The following TPST1 variants were observed in gnomAD, a reference collection of about 807,000 sequenced individuals.
TPST1 encodes protein-tyrosine sulfotransferase 1.
A neutral mutation model predicts 34.8 loss-of-function variants in TPST1; 20 were observed. That is an observed-to-expected ratio of 0.57 (90% CI 0.40 to 0.84). TPST1 has a LOEUF of 0.84. Ranked by LOEUF, TPST1 falls within the 40% of genes least tolerant of loss-of-function variation. The probability of loss-of-function intolerance (pLI) is 0.00; values close to 1 mark genes in which losing one functional copy is unlikely to be tolerated. For synonymous variants in TPST1, 152 were observed against 159.4 expected (o/e 0.95, Z 0.35); for missense variants, 353 against 455.5 (o/e 0.78, Z 2.05).
At chr7:66,254,911 G>A (rs1323500987) in intron 2 of TPST1, among the ~76,000 whole-genome samples, 1 of 152,060 alleles carries the variant, frequency 6.6e-6, no homozygotes, top group Non-Finnish European at 1.5e-5. Flanking sequence ...ACTTTGGGAG[G>A]CCAAGGCGGG....
chr7:66,220,583 G>A (rs1193959547), intron 1 of TPST1, among the ~76,000 whole-genome samples: 1 of 149,332 alleles, frequency 6.7e-6, no homozygotes, highest in Non-Finnish European at 1.5e-5. Context: ...ATCAGGCAGA[G>A]AGACACGCAA....
chr7:66,220,661 T>A, intron 1 of TPST1, among the ~76,000 whole-genome samples: 1 of 43,776 alleles, frequency 2.3e-5, no homozygotes, highest in South Asian at 8.7e-4. Context: ...TGGCACTGGG[T>A]GAGTGTGTGG....
chr7:66,346,298 GA>G (rs1185160404), intron 3 of TPST1, among the ~76,000 whole-genome samples: 3 of 152,080 alleles, frequency 2.0e-5, no homozygotes, highest in African/African-American at 7.2e-5. Flanking sequence ...TGAGAATGCA[GA>G]TATCTCCTTG....
chr7:66,243,681 C>G (rs965589980), intron 2 of TPST1, among the ~76,000 whole-genome samples: 8 of 145,074 alleles, frequency 5.5e-5, no homozygotes, highest in Non-Finnish European at 6.0e-5. Flanking sequence ...CTCCTGAGTT[C>G]AGGCAATCCA....
chr7:66,265,800 CT>C (rs1790581379), intron 2 of TPST1, among the ~76,000 whole-genome samples: 1 of 152,162 alleles, frequency 6.6e-6, no homozygotes, highest in African/African-American at 2.4e-5. Flanking sequence ...GAACAGCAGA[CT>C]TCTCACCAGT....
At position 66,360,291 on chromosome 7, in the gene TPST1, CTGTT is replaced by C. The variant is rs1194198231; in HGVS notation, c.*428_*431del. ...CTAATGTTTTGTAGAACACGTGTGC[CTGTT>C]TAAGTGTATTGATGTGAATAATATT... is the stretch of plus-strand genomic sequence containing the variant. On this transcript the variant is annotated 3_prime_UTR_variant, in exon 6 of 6. Transcript: ENST00000304842. 1.6e-5 allele frequency: 3 copies of C among 192,642 alleles called. No homozygotes were observed. The highest frequency in any genetic ancestry group is 1.0e-4 in the South Asian group (1 of 9,854). 11.9% of individuals were successfully genotyped at this position (192,642 alleles called of 1,614,324 possible).
At chr7:66,293,704 T>C (rs906009325) in intron 3 of TPST1, among the ~76,000 whole-genome samples, 1 of 152,172 alleles carries the variant, frequency 6.6e-6, no homozygotes, top group East Asian at 1.9e-4. Context: ...TAATTATTAG[T>C]GACCTTACTT....
At chr7:66,313,616 C>A (rs978521299) in intron 3 of TPST1, among the ~76,000 whole-genome samples, 2 of 152,040 alleles carry the variant, frequency 1.3e-5, no homozygotes, top group African/African-American at 4.8e-5. Context: ...TATATCGTTC[C>A]TCATATTTTC....
chr7:66,246,155 G>A (rs544239143), intron 2 of TPST1, among the ~76,000 whole-genome samples: 4 of 150,120 alleles, frequency 2.7e-5, no homozygotes, highest in African/African-American at 9.8e-5. Flanking sequence ...TGGGATTACA[G>A]GTGCATGCCA....
At chr7:66,339,067 G>T (rs952529943) in intron 3 of TPST1, among the ~76,000 whole-genome samples, 53 of 137,780 alleles carry the variant, frequency 3.8e-4, no homozygotes, top group African/African-American at 1.3e-3. Flanking sequence ...TTTTGAATAG[G>T]TAATCAAAAT....
intron 1 of TPST1, among the ~76,000 whole-genome samples, chr7:66,215,771 C>CTT (rs772346557): frequency 0.011 from 1,245 of 108,494 alleles, 62 homozygotes; most frequent in East Asian, 0.082. Context: ...TTTTCTTTTT[C>CTT]TTTCTTTTTT....
chr7:66,258,758 C>T (rs1386560412), intron 2 of TPST1, among the ~76,000 whole-genome samples: 5 of 152,208 alleles, frequency 3.3e-5, no homozygotes, highest in Admixed American at 6.5e-5. Flanking sequence ...ATGATTCTTA[C>T]GCTCCTTAGA....
At chr7:66,227,275 C>T (rs900920473) in intron 1 of TPST1, among the ~76,000 whole-genome samples, 2 of 151,952 alleles carry the variant, frequency 1.3e-5, no homozygotes, top group Non-Finnish European at 2.9e-5. Flanking sequence ...TTGTGATCTA[C>T]CCGTCTCGGC....
chr7:66,282,170 A>C (rs1790945019), intron 2 of TPST1, among the ~76,000 whole-genome samples: 1 of 152,164 alleles, frequency 6.6e-6, no homozygotes, highest in Non-Finnish European at 1.5e-5. Context: ...GGACTGAAGG[A>C]ATAGGGGAGA....
At position 66,337,299 on chromosome 7, in the gene TPST1, ATTTTTTTT is replaced by A. The variant is rs749288846; in HGVS notation, c.1045-15187_1045-15180del. On this transcript the variant is annotated intron_variant, in intron 3 of 5. Transcript: ENST00000304842. Reference sequence around the variant, plus strand: ...TTTAAGTATGAAGACTAAAAGACAAATTTTTTTTTTTTTTTTTTTTTTTTTTAAGACAG... The same window carrying A: ...TTTAAGTATGAAGACTAAAAGACAAATTTTTTTTTTTTTTTTTTAAGACAG... Among the ~76,000 whole-genome samples the A allele has an allele frequency of 7.8e-4, 84 of 107,722 alleles. 1 individual carries two copies. The South Asian group carries it at 0.019, about 24-fold the overall frequency. The allele number at this position is 107,722 out of a possible 152,430, so 70.7% of individuals were successfully genotyped here. A position where few individuals can be genotyped will look rare whatever the true frequency, so the allele number is the denominator to read the frequency against.
intron 4 of TPST1, 60 bp downstream of exon 4, chr7:66,352,615 A>AT: frequency 6.3e-7 from 1 of 1,578,692 alleles, no homozygotes; most frequent in Non-Finnish European, 8.5e-7. Context: ...TTGAAGTAAT[A>AT]TTTTTAAAGA....
chr7:66,244,164 A>G (rs1289147277), intron 2 of TPST1, among the ~76,000 whole-genome samples: 2 of 152,000 alleles, frequency 1.3e-5, no homozygotes, highest in Non-Finnish European at 2.9e-5. Context: ...CATGTTAGCC[A>G]GGATGGTCTC....
At chr7:66,311,301 A>G (rs1289855108) in intron 3 of TPST1, among the ~76,000 whole-genome samples, 1 of 151,960 alleles carries the variant, frequency 6.6e-6, no homozygotes, top group Non-Finnish European at 1.5e-5. Flanking sequence ...ACTATGCCCA[A>G]CTAATTATTG....
intron 1 of TPST1, among the ~76,000 whole-genome samples, chr7:66,217,594 G>C (rs534596433): frequency 6.6e-6 from 1 of 151,766 alleles, no homozygotes; most frequent in Non-Finnish European, 1.5e-5. Flanking sequence ...TTATTTATTT[G>C]TTTGTTTGTT....
Sources: gnomAD v4.1 joint callset for allele counts (sites outside exome capture counted in the v4.1 genomes callset) on GRCh38, gnomAD v4.1.1 for gene constraint, MANE v1.5 for transcripts, NCBI Gene and HGNC (gene_info 2026-07-23, HGNC 2026-07-21) for gene names.